NLRP13: variants seen among roughly 807,000 people sequenced by gnomAD.
NLRP13 encodes the protein NLR family pyrin domain containing 13, also known as NACHT, LRR and PYD domains-containing protein 13.
In NLRP13, 82 loss-of-function variants were observed where a neutral mutation model predicts 94.4. The observed-to-expected ratio is 0.87, with a 90% CI of 0.73 to 1.04. NLRP13 has a LOEUF of 1.04. Among genes scored for constraint, NLRP13 ranks in the 50% least tolerant of loss-of-function variants. NLRP13 has a pLI of 0.00. For missense variants in NLRP13, 1,426 were observed against 1,230.8 expected (o/e 1.16, Z -2.37); for synonymous variants, 553 against 464.7 (o/e 1.19, Z -2.45).
rs769098496 is a variant in NLRP13 at position 55,932,082 on chromosome 19, G to C, written c.230C>G (p.Pro77Arg). 21 of 1,614,014 alleles carry C rather than the reference G, an allele frequency of 1.3e-5. No homozygotes were observed. The highest frequency in any genetic ancestry group is 5.0e-5 in the Admixed American group (3 of 60,010). ...GACCACTTTCCATGCCTGACCTTTT[G>C]GGAAGTGTTCATCCAAAAGAAAGGA... The part of the protein sequence containing the change: ...NLSFLLDEHF[P>R]KGQAWKVVLG... Residue 77 changes from proline to arginine, a missense_variant, in exon 1 of 11, where the codon CCA (proline) becomes CGA (arginine). Pro to Arg is a moderately radical substitution (Grantham distance 103). Coordinates refer to ENST00000342929, the MANE Select transcript of NLRP13 (RefSeq NM_176810.2).
downstream of NLRP13, chr19:55,891,899 G>A (rs993966440): frequency 2.5e-6 from 1 of 396,338 alleles, no homozygotes; most frequent in Admixed American, 4.4e-5. Context: ...CAGCTCATTT[G>A]TCCCCACAAA....
intron 1 of NLRP13, among the ~76,000 whole-genome samples, chr19:55,929,091 C>T (rs568410988): frequency 1.8e-4 from 27 of 152,262 alleles, no homozygotes; most frequent in Non-Finnish European, 3.2e-4. Context: ...CCATCTCACG[C>T]CAGTTAGGAT....
At chr19:55,920,692 G>T (rs1308702055) in intron 4 of NLRP13, among the ~76,000 whole-genome samples, 3 of 151,986 alleles carry the variant, frequency 2.0e-5, no homozygotes, top group Non-Finnish European at 4.4e-5. Flanking sequence ...GAAAATATTA[G>T]GATATTTCTC....
chr19:55,911,780 C>T lies in NLRP13; in HGVS notation c.2037G>A (p.Lys679=), dbSNP rs199475876. The T allele has an allele frequency of 6.2e-7, 1 of 1,614,080 alleles. No homozygotes were observed. The highest frequency in any genetic ancestry group is 1.3e-5 in the African/African-American group (1 of 75,070). ...EELQASSFCL[K]HCKRLNKLRL... ...TTAGCTTATTTAACCTTTTACAGTGCTTTAGGCAAAATGAAGAAGCTTGGA... is the reference window on the plus strand; with the variant it reads ...TTAGCTTATTTAACCTTTTACAGTGTTTTAGGCAAAATGAAGAAGCTTGGA... The change falls in exon 5 of 11, where the codon AAG becomes AAA. Residue 679 remains lysine, a synonymous_variant. Transcript: ENST00000342929.
Position 55,910,706 on chromosome 19 carries a change from G to A in NLRP13, c.2139C>T (p.His713=), listed in dbSNP as rs185367421. 56 of 1,609,324 alleles carry A rather than the reference G, an allele frequency of 3.5e-5. No homozygotes were observed. In the East Asian group the frequency reaches 5.6e-4, roughly 16 times the overall value. ...ACGTAGAGCAAATGCTGTTCCATGC[G>A]TGCATCCTGGAATCAAACTTGCTTG... ...LETSKFDSRM[H]AWNSICSTLV... The change falls in exon 6 of 11, where the codon CAC becomes CAT. Residue 713 remains histidine, a synonymous_variant. Coordinates refer to ENST00000342929, the MANE Select transcript of NLRP13 (RefSeq NM_176810.2).
rs1986547387 is a variant in NLRP13 at position 55,912,455 on chromosome 19, A to T, written c.1362T>A (p.Ser454Arg). 1 of 1,614,018 alleles carries T rather than the reference A, an allele frequency of 6.2e-7. No individual in the cohort carries two copies. Among genetic ancestry groups the T allele is most frequent in the African/African-American group, 1.3e-5 (1 of 74,914 alleles). ...AGTTGGAGAAAAAATAGGCATACAG[A>T]CTGGTGGTAGTCTGAGTGATTGACT... ...DLQSITQTTTSLYAYFFSNLF... is the reference protein window; with the variant it reads ...DLQSITQTTTRLYAYFFSNLF... Residue 454 changes from serine to arginine, a missense_variant, in exon 5 of 11, where the codon AGT (serine) becomes AGA (arginine). By Grantham distance (110) the Ser-to-Arg change is moderately radical. Transcript: ENST00000342929.
intron 8 of NLRP13, 112 bp downstream of exon 8, chr19:55,904,830 T>C: frequency 1.2e-6 from 1 of 868,744 alleles, no homozygotes; most frequent in Non-Finnish European, 1.7e-6. Context: ...TAGTAATTAC[T>C]CAATGAATGT....
chr19:55,919,380 G>A (rs1335928654), intron 4 of NLRP13, among the ~76,000 whole-genome samples: 1 of 151,846 alleles, frequency 6.6e-6, no homozygotes, highest in South Asian at 2.1e-4. Context: ...AGAGCAATCA[G>A]GCAAGAGAAA....
At chr19:55,919,836 A>G (rs536378124) in intron 4 of NLRP13, among the ~76,000 whole-genome samples, 14 of 152,292 alleles carry the variant, frequency 9.2e-5, no homozygotes, top group African/African-American at 3.4e-4. Flanking sequence ...AACAATCCTA[A>G]AATTCATATG....
intron 10 of NLRP13, 86 bp from the exon 11 acceptor site, chr19:55,896,205 A>C (rs1044355391): frequency 2.8e-6 from 4 of 1,450,614 alleles, no homozygotes; most frequent in Admixed American, 3.9e-5. Context: ...CAGGAAAAAA[A>C]CTATTACTAA....
At chr19:55,902,461 G>GA (rs200104561) in intron 8 of NLRP13, among the ~76,000 whole-genome samples, 4,002 of 149,698 alleles carry the variant, frequency 0.027, 62 homozygotes, top group African/African-American at 0.046. Flanking sequence ...AAAAAATAAA[G>GA]AAAAAAAAAA....
chr19:55,904,952 C>G lies in NLRP13; in HGVS notation c.2608G>C (p.Glu870Gln), dbSNP rs749274906. 12 of 1,613,618 alleles carry G rather than the reference C, an allele frequency of 7.4e-6. No individual in the cohort carries two copies. The South Asian group carries it at 1.1e-4, about 15-fold the overall frequency. ...GTAGGGAAAACTTACTCCAGTCTCTCTAAGGCACACTTGGGGTGAGTCAGG... is the reference window on the plus strand; with the variant it reads ...GTAGGGAAAACTTACTCCAGTCTCTGTAAGGCACACTTGGGGTGAGTCAGG... Reference protein sequence around the residue: ...AALTHPKCALERLELWFCQLA... With the variant: ...AALTHPKCALQRLELWFCQLA... The change falls in exon 8 of 11, where the codon GAG becomes CAG. Residue 870 changes from glutamate (E) to glutamine (Q), a missense_variant. Physicochemically the swap from Glu to Gln is conservative, Grantham distance 29 (BLOSUM62 2). Transcript: ENST00000342929.
chr19:55,898,187 C>T (rs1175549020), intron 10 of NLRP13, among the ~76,000 whole-genome samples: 2 of 146,670 alleles, frequency 1.4e-5, no homozygotes, highest in African/African-American at 2.5e-5. Context: ...TATCATCTAG[C>T]AGGAGAGTTT....
intron 9 of NLRP13, among the ~76,000 whole-genome samples, chr19:55,900,828 A>G (rs78660733): frequency 0.013 from 2,030 of 152,134 alleles, 57 homozygotes; most frequent in African/African-American, 0.046. Context: ...CAGCAATCCC[A>G]TTACTGAGTG....
At chr19:55,892,321 TCTC>T (rs958447553), downstream of NLRP13, among the ~76,000 whole-genome samples, 7 of 152,094 alleles carry the variant, frequency 4.6e-5, no homozygotes, top group African/African-American at 9.7e-5. Flanking sequence ...TCCTTCCTAC[TCTC>T]CTCCTCCTAG....
intron 4 of NLRP13, among the ~76,000 whole-genome samples, chr19:55,923,302 G>A (rs985833779): frequency 1.3e-5 from 2 of 152,178 alleles, no homozygotes; most frequent in South Asian, 2.1e-4. Flanking sequence ...AGAAGTTGTA[G>A]GAAAAATGCA....
intron 1 of NLRP13, among the ~76,000 whole-genome samples, chr19:55,927,284 G>A (rs1160763485): frequency 2.0e-5 from 3 of 150,884 alleles, no homozygotes; most frequent in South Asian, 2.1e-4. Flanking sequence ...CAGGAGAATC[G>A]CTTGAACCCG....
At chr19:55,898,350 C>T (rs1439018325) in intron 10 of NLRP13, among the ~76,000 whole-genome samples, 1 of 152,032 alleles carries the variant, frequency 6.6e-6, no homozygotes, top group Non-Finnish European at 1.5e-5. Flanking sequence ...GCTGGGACTA[C>T]AGATGCCCAC....
chr19:55,921,479 A>G (rs1986824435), intron 4 of NLRP13, among the ~76,000 whole-genome samples: 1 of 152,232 alleles, frequency 6.6e-6, no homozygotes. Context: ...GGATATGCAC[A>G]TATGATATGG....
Sources: gnomAD v4.1 joint callset for allele counts (sites outside exome capture counted in the v4.1 genomes callset) on GRCh38, gnomAD v4.1.1 for gene constraint, MANE v1.5 for transcripts, NCBI Gene and HGNC (gene_info 2026-07-23, HGNC 2026-07-21) for gene names.